BLNK: variants seen among roughly 807,000 people sequenced by gnomAD.
BLNK encodes B-cell linker protein.
A neutral mutation model predicts 73.5 loss-of-function variants in BLNK; 29 were observed. That is an observed-to-expected ratio of 0.39 (90% CI 0.29 to 0.54). BLNK has a LOEUF of 0.54. Ranked by LOEUF, BLNK falls within the 20% of genes least tolerant of loss-of-function variation. The probability of loss-of-function intolerance (pLI) is 0.61; values close to 1 mark genes in which losing one functional copy is unlikely to be tolerated. For missense variants in BLNK, 460 were observed against 562.8 expected (o/e 0.82, Z 1.85); for synonymous variants, 176 against 200.8 (o/e 0.88, Z 1.04).
intron 1 of BLNK, among the ~76,000 whole-genome samples, chr10:96,270,261 G>T (rs1397372640): frequency 6.6e-6 from 1 of 152,226 alleles, no homozygotes; most frequent in African/African-American, 2.4e-5. Context: ...GTATTCTACT[G>T]TGAAGGGTTG....
At chr10:96,251,106 AT>A (rs1220841918) in intron 1 of BLNK, among the ~76,000 whole-genome samples, 2 of 152,178 alleles carry the variant, frequency 1.3e-5, no homozygotes, top group Non-Finnish European at 2.9e-5. Flanking sequence ...CCCTAGATAA[AT>A]TACACTTTTT....
chr10:96,191,235 C>CTT lies in BLNK; in HGVS notation c.*736_*737dup, dbSNP rs34920263. 0.34 allele frequency among the ~76,000 whole-genome samples: 44,510 copies of CTT among 129,950 alleles called. 8,294 individuals carry two copies. Among genetic ancestry groups the CTT allele is most frequent in the Middle Eastern group, 0.42 (100 of 240 alleles). The allele number at this position is 129,950 out of a possible 152,430, so 85.3% of individuals were successfully genotyped here. On this transcript the variant is annotated 3_prime_UTR_variant, in exon 17 of 17. Coordinates refer to ENST00000224337, the MANE Select transcript of BLNK (RefSeq NM_013314.4). Reference sequence around the variant, plus strand: ...GTGGAACTGTGAGTCCATTAAACCTCTTTTTTTTTTTTTTTTTTTATGTAA... The same window carrying CTT: ...GTGGAACTGTGAGTCCATTAAACCTCTTTTTTTTTTTTTTTTTTTTTATGTAA...
chr10:96,228,817 C>T (rs926588139), intron 4 of BLNK, among the ~76,000 whole-genome samples: 1 of 152,118 alleles, frequency 6.6e-6, no homozygotes, highest in Non-Finnish European at 1.5e-5. Flanking sequence ...CTGTGTCCAC[C>T]GCCCTCACAC....
At chr10:96,216,609 C>T (rs142112462) in intron 7 of BLNK, 44 bp downstream of exon 7, 28,708 of 1,533,864 alleles carry the variant, frequency 0.019, 330 homozygotes, top group Non-Finnish European at 0.023. Flanking sequence ...ACATCCTGAT[C>T]AACTGCTAAA....
chr10:96,204,472 G>T, intron 12 of BLNK, 60 bp downstream of exon 12: 1 of 1,535,596 alleles, frequency 6.5e-7, no homozygotes, highest in Non-Finnish European at 9.0e-7. Flanking sequence ...GTGAAACAAT[G>T]CACATGTTAA....
At chr10:96,209,343 T>C (rs1271949729) in intron 9 of BLNK, among the ~76,000 whole-genome samples, 1 of 152,234 alleles carries the variant, frequency 6.6e-6, no homozygotes, top group Non-Finnish European at 1.5e-5. Flanking sequence ...AAGACTTAAC[T>C]AAAACTTCAC....
chr10:96,191,986 A>G lies in BLNK; in HGVS notation c.1358T>C (p.Val453Ala), dbSNP rs1184562407. The G allele has an allele frequency of 6.2e-7, 1 of 1,613,620 alleles. No homozygotes were observed. Among genetic ancestry groups the G allele is most frequent in the African/African-American group, 1.3e-5 (1 of 74,904 alleles). ...TTTTTTCCCCCTTTATGAAACTTTAACTGCATACTTCAGTCTGGTGGAATC... is the reference window on the plus strand; with the variant it reads ...TTTTTTCCCCCTTTATGAAACTTTAGCTGCATACTTCAGTCTGGTGGAATC... The part of the protein sequence containing the change: ...TKDSTRLKYA[V>A]KVS Residue 453 changes from valine (V) to alanine (A), a missense_variant, in exon 17 of 17, where the codon GTT becomes GCT. Val to Ala is a moderately conservative substitution (Grantham distance 64, BLOSUM62 0). Around this residue, in one of 3 missense-constraint regions of BLNK, gnomAD observed 88 missense variants for 143.4 expected, o/e 0.61. Coordinates refer to ENST00000224337, the MANE Select transcript of BLNK (RefSeq NM_013314.4).
At chr10:96,255,467 G>C (rs1843469973) in intron 1 of BLNK, among the ~76,000 whole-genome samples, 1 of 151,824 alleles carries the variant, frequency 6.6e-6, no homozygotes, top group African/African-American at 2.4e-5. Flanking sequence ...TGTCACAGAG[G>C]ACAATGATAG....
chr10:96,206,980 C>CA, intron 11 of BLNK, 31 bp downstream of exon 11: 1 of 1,604,384 alleles, frequency 6.2e-7, no homozygotes, highest in Non-Finnish European at 8.5e-7. Context: ...TTTTAGAGGA[C>CA]ATGCTCATCC....
chr10:96,263,948 C>T (rs1554913583), intron 1 of BLNK, among the ~76,000 whole-genome samples: 1 of 152,214 alleles, frequency 6.6e-6, no homozygotes, highest in Non-Finnish European at 1.5e-5. Context: ...CAGCATCACA[C>T]TTCAGGGTTC....
intron 1 of BLNK, among the ~76,000 whole-genome samples, chr10:96,268,222 T>A (rs781847082): frequency 6.6e-6 from 1 of 152,228 alleles, no homozygotes; most frequent in African/African-American, 2.4e-5. Flanking sequence ...GGGAGGTTAT[T>A]AAAAACTAAA....
Position 96,221,917 on chromosome 10 carries a change from C to CA in BLNK, c.525+1908dup, listed in dbSNP as rs1564827892. Among the ~76,000 whole-genome samples the CA allele has an allele frequency of 7.2e-5, 11 of 152,132 alleles. No individual in the cohort carries two copies. In the South Asian group the frequency reaches 2.3e-3, roughly 32 times the overall value. On this transcript the variant is annotated intron_variant, in intron 6 of 16. Coordinates refer to ENST00000224337, the MANE Select transcript of BLNK (RefSeq NM_013314.4). ...ATGCATTGTGGGAGCTATGACAAAT[C>CA]AAAAAAGAGACCAGGATTCACAGCT... is the stretch of plus-strand genomic sequence containing the variant.
intron 15 of BLNK, among the ~76,000 whole-genome samples, chr10:96,199,262 G>A (rs1447330419): frequency 6.6e-6 from 1 of 152,152 alleles, no homozygotes; most frequent in Non-Finnish European, 1.5e-5. Context: ...AAGAGAGAAA[G>A]AAAAAGTGTC....
At chr10:96,250,336 G>A (rs1338784688) in intron 1 of BLNK, among the ~76,000 whole-genome samples, 6 of 151,966 alleles carry the variant, frequency 3.9e-5, no homozygotes, top group East Asian at 1.9e-4. Context: ...GAGAATCTTC[G>A]AGATAGAGGA....
intron 13 of BLNK, among the ~76,000 whole-genome samples, chr10:96,202,799 T>C (rs190270014): frequency 3.9e-5 from 6 of 152,320 alleles, no homozygotes; most frequent in South Asian, 2.1e-4. Context: ...AGAGTACCCA[T>C]GGCTAATATT....
chr10:96,227,374 G>A (rs1842310137), intron 5 of BLNK, 36 bp downstream of exon 5: 6 of 1,607,590 alleles, frequency 3.7e-6, no homozygotes, highest in Non-Finnish European at 5.1e-6. Flanking sequence ...CCATGGGCCT[G>A]GAAGGCCGAG....
intron 1 of BLNK, among the ~76,000 whole-genome samples, chr10:96,253,319 A>G (rs1843364907): frequency 6.6e-6 from 1 of 152,194 alleles, no homozygotes; most frequent in Admixed American, 6.5e-5. Flanking sequence ...AGAAGCAGTG[A>G]ATCAGGACCC....
chr10:96,190,259 G>A lies in BLNK; in HGVS notation c.*1714C>T, dbSNP rs587741423. ...CACTTAGGTGGGAGAGAAAGCAGAC[G>A]GAGATAAACGACCACTGCTCAAGAG... On this transcript the variant is annotated 3_prime_UTR_variant, in exon 17 of 17. Transcript: ENST00000224337. 26 of 720,762 alleles carry A rather than the reference G, an allele frequency of 3.6e-5. 1 individual carries two copies. Among genetic ancestry groups the A allele is most frequent in the Non-Finnish European group, 2.8e-5 (11 of 391,414 alleles). The allele number at this position is 720,762 out of a possible 1,614,324, so 44.6% of individuals were successfully genotyped here.
intron 15 of BLNK, among the ~76,000 whole-genome samples, chr10:96,199,184 G>C (rs1226540396): frequency 2.0e-5 from 3 of 152,156 alleles, no homozygotes; most frequent in Non-Finnish European, 4.4e-5. Context: ...AGGAAGAACA[G>C]TATGTAAATG....
Sources: gnomAD v4.1 joint callset for allele counts (sites outside exome capture counted in the v4.1 genomes callset) on GRCh38, gnomAD v4.1.1 for gene constraint, gnomAD v4.1.1 regional missense constraint, MANE v1.5 for transcripts, NCBI Gene and HGNC (gene_info 2026-07-23, HGNC 2026-07-21) for gene names.